MLLT3: variants seen among roughly 807,000 people sequenced by gnomAD.
MLLT3 encodes the protein protein AF-9.
MLLT3 carries 4 observed loss-of-function variants against 53.2 expected under a neutral mutation model. The ratio of observed to expected loss-of-function variants is 0.08; its 90% confidence interval spans 0.04 to 0.17. MLLT3 has a LOEUF of 0.17. Ranked by LOEUF, MLLT3 falls within the 10% of genes least tolerant of loss-of-function variation. The pLI is 1.00. For synonymous variants in MLLT3, 283 were observed against 230.6 expected, an observed-to-expected ratio of 1.23 and a Z score of -2.06; for missense variants, 569 against 684.0, an observed-to-expected ratio of 0.83 and a Z score of 1.87.
intron 2 of MLLT3, among the ~76,000 whole-genome samples, chr9:20,471,860 C>A (rs1424348133): frequency 1.3e-5 from 2 of 149,990 alleles, no homozygotes; most frequent in Admixed American, 6.6e-5. Context: ...ATAGAAAACT[C>A]TAGTAGGATG....
chr9:20,500,203 C>A (rs1053072910), intron 2 of MLLT3, among the ~76,000 whole-genome samples: 1 of 152,142 alleles, frequency 6.6e-6, no homozygotes, highest in Non-Finnish European at 1.5e-5. Flanking sequence ...GAAGCAAGAG[C>A]GGTGCAGGGC....
At chr9:20,457,360 T>G (rs764379574) in intron 2 of MLLT3, among the ~76,000 whole-genome samples, 1 of 149,390 alleles carries the variant, frequency 6.7e-6, no homozygotes, top group African/African-American at 2.5e-5. Flanking sequence ...GCAATTCTCC[T>G]GCCTCAGCCT....
rs1820764828 is a variant in MLLT3 at position 20,342,680 on chromosome 9, A to G, written c.*3763T>C. Reference sequence around the variant, plus strand: ...ATAATAAAAAGCATCATATAAAACAAAAGAGGTCAAAAGATGTAGACTTCC... The same window carrying G: ...ATAATAAAAAGCATCATATAAAACAGAAGAGGTCAAAAGATGTAGACTTCC... On this transcript the variant is annotated 3_prime_UTR_variant, in exon 11 of 11. Transcript: ENST00000380338. The G allele has an allele frequency of 9.4e-6, 2 of 213,900 alleles. No individual in the cohort carries two copies. Among genetic ancestry groups the G allele is most frequent in the South Asian group, 1.9e-4 (1 of 5,338 alleles). The allele number at this position is 213,900 out of a possible 1,614,324, so 13.3% of individuals were successfully genotyped here.
chr9:20,565,360 C>T (rs957194338), intron 2 of MLLT3, among the ~76,000 whole-genome samples: 3 of 152,126 alleles, frequency 2.0e-5, no homozygotes, highest in African/African-American at 7.2e-5. Flanking sequence ...TGTAATGCAA[C>T]TGTGCTCTTG....
In MLLT3 at chr9:20,463,664, C is replaced by T. The variant is rs75975656; in HGVS notation, c.194-6878G>A. Among the ~76,000 whole-genome samples, 143 of 152,162 alleles carry T rather than the reference C, an allele frequency of 9.4e-4. 3 individuals carry two copies. The East Asian group carries it at 0.026, about 28-fold the overall frequency. On this transcript the variant is annotated intron_variant, in intron 2 of 10. Coordinates refer to ENST00000380338, the MANE Select transcript of MLLT3 (RefSeq NM_004529.4). ...TGATTAGCCTAGTGGACACAGATGT[C>T]CAGGCTAATATGATGGGAAATAGAA...
rs1818849246 is a variant in MLLT3 at position 20,548,642 on chromosome 9, T to C, written c.193+72012A>G. On this transcript the variant is annotated intron_variant, in intron 2 of 10. Transcript: ENST00000380338. ...TGTTAAGAGTAAGATTGAAGAAAAG[T>C]CATCCCCTGTCCCAGGTGTAATCTC... Among the ~76,000 whole-genome samples, 2 of 152,136 alleles carry C rather than the reference T, an allele frequency of 1.3e-5. 1 individual carries two copies. The highest frequency in any genetic ancestry group is 4.1e-4 in the South Asian group (2 of 4,822).
intron 2 of MLLT3, among the ~76,000 whole-genome samples, chr9:20,566,209 C>T (rs1181914724): frequency 5.3e-5 from 8 of 150,792 alleles, no homozygotes; most frequent in Non-Finnish European, 8.9e-5. Flanking sequence ...GAGGCTGAGG[C>T]AGGTGGATCA....
chr9:20,572,979 T>C (rs1267512530), intron 2 of MLLT3, among the ~76,000 whole-genome samples: 1 of 152,192 alleles, frequency 6.6e-6, no homozygotes, highest in African/African-American at 2.4e-5. Context: ...CAAAAAATTA[T>C]ACACTTGCAT....
chr9:20,367,689 CAT>C, intron 5 of MLLT3, among the ~76,000 whole-genome samples: 1 of 152,306 alleles, frequency 6.6e-6, no homozygotes, highest in African/African-American at 2.4e-5. Flanking sequence ...TTAATATGCT[CAT>C]AGTCTTAACT....
intron 5 of MLLT3, among the ~76,000 whole-genome samples, chr9:20,390,000 T>C (rs1172445384): frequency 1.3e-5 from 2 of 152,210 alleles, no homozygotes; most frequent in African/African-American, 4.8e-5. Flanking sequence ...CTTTAGGGCA[T>C]TGTGTAGTAC....
At chr9:20,478,495 G>A (rs1402859142) in intron 2 of MLLT3, among the ~76,000 whole-genome samples, 1 of 152,124 alleles carries the variant, frequency 6.6e-6, no homozygotes, top group Non-Finnish European at 1.5e-5. Context: ...GAACTGCAGA[G>A]TGAGACACTG....
At chr9:20,421,592 T>A (rs1465465538) in intron 4 of MLLT3, among the ~76,000 whole-genome samples, 1 of 152,186 alleles carries the variant, frequency 6.6e-6, no homozygotes. Flanking sequence ...TTGTATAATG[T>A]CCTGACATAT....
intron 5 of MLLT3, among the ~76,000 whole-genome samples, chr9:20,396,400 T>G (rs1007633149): frequency 2.0e-5 from 3 of 152,128 alleles, no homozygotes; most frequent in Admixed American, 1.3e-4. Flanking sequence ...TGAGCTATTA[T>G]TCACATATCA....
chr9:20,474,355 T>A (rs970086224), intron 2 of MLLT3, among the ~76,000 whole-genome samples: 1 of 152,140 alleles, frequency 6.6e-6, no homozygotes, highest in Non-Finnish European at 1.5e-5. Context: ...TAGATATTAA[T>A]GTTCAAATGC....
At chr9:20,565,873 T>C (rs1819341252) in intron 2 of MLLT3, among the ~76,000 whole-genome samples, 1 of 145,624 alleles carries the variant, frequency 6.9e-6, no homozygotes. Context: ...CCACTCTCTA[T>C]ATCCTCACTT....
chr9:20,363,528 T>C lies in MLLT3; in HGVS notation c.1279A>G (p.Asn427Asp). 1 of 1,614,138 alleles carries C rather than the reference T, an allele frequency of 6.2e-7. No individual in the cohort carries two copies. Among genetic ancestry groups the C allele is most frequent in the South Asian group, 1.1e-5 (1 of 91,088 alleles). The change falls in exon 7 of 11, where the codon AAT becomes GAT. Residue 427 changes from asparagine (N) to aspartate (D), a missense_variant. Physicochemically the swap from Asn to Asp is conservative, Grantham distance 23. Transcript: ENST00000380338. Reference sequence around the variant, plus strand: ...ACAGGCCTCTCCATTTCAGAGTCATTGTCGTTATCCTCCACTTCATCTGAT... The same window carrying C: ...ACAGGCCTCTCCATTTCAGAGTCATCGTCGTTATCCTCCACTTCATCTGAT... ...EESDEVEDND[N>D]DSEMERPVNR...
At chr9:20,433,508 G>A (rs1215799150) in intron 4 of MLLT3, among the ~76,000 whole-genome samples, 5 of 152,060 alleles carry the variant, frequency 3.3e-5, no homozygotes, top group South Asian at 4.2e-4. Flanking sequence ...GGAGAAGCCT[G>A]GAGGATGCCA....
intron 2 of MLLT3, among the ~76,000 whole-genome samples, chr9:20,552,688 T>A (rs1344557937): frequency 6.6e-6 from 1 of 152,196 alleles, no homozygotes; most frequent in East Asian, 1.9e-4. Context: ...TCCTCCCAAG[T>A]AATACATTCA....
chr9:20,617,521 A>T (rs557447263), intron 2 of MLLT3, among the ~76,000 whole-genome samples: 8 of 152,344 alleles, frequency 5.3e-5, no homozygotes, highest in Admixed American at 3.9e-4. Flanking sequence ...ACTGGAAAAA[A>T]AGTTCACTCA....
Sources: gnomAD v4.1 joint callset for allele counts (sites outside exome capture counted in the v4.1 genomes callset) on GRCh38, gnomAD v4.1.1 for gene constraint, MANE v1.5 for transcripts, NCBI Gene and HGNC (gene_info 2026-07-23, HGNC 2026-07-21) for gene names.